Variants in SMIM8 observed in about 807,000 individuals in gnomAD.
SMIM8 encodes the protein UPF0708 protein C6orf162.
A neutral mutation model predicts 8.1 loss-of-function variants in SMIM8; 8 were observed. The observed-to-expected ratio is 0.99, with a 90% CI of 0.58 to 1.78. The LOEUF is 1.78. Ranked by LOEUF, SMIM8 falls within the 40% of genes most tolerant of loss-of-function variation. SMIM8 has a pLI of 0.00. For synonymous variants in SMIM8, 45 were observed against 39.7 expected, an observed-to-expected ratio of 1.13 and a Z score of -0.50; for missense variants, 126 against 119.8, an observed-to-expected ratio of 1.05 and a Z score of -0.24.
chr6:87,325,301 A>G lies in SMIM8; in HGVS notation c.-45+2669A>G, dbSNP rs1421527101. On this transcript the variant is annotated intron_variant, in intron 1 of 3. Coordinates refer to ENST00000392863, the MANE Select transcript of SMIM8 (RefSeq NM_001042493.3). ...TGCCCTGGCCAGAACTTCCAACACT[A>G]TGTTGAATAGGAGTGGTGAGAGAGG... Among the ~76,000 whole-genome samples, 9 of 145,158 alleles carry G rather than the reference A, an allele frequency of 6.2e-5. No individual in the cohort carries two copies. The South Asian group carries it at 1.5e-3, about 25-fold the overall frequency.
intron 3 of SMIM8, among the ~76,000 whole-genome samples, chr6:87,338,611 A>G (rs1777160112): frequency 1.3e-5 from 2 of 152,216 alleles, no homozygotes; most frequent in South Asian, 4.1e-4. Context: ...TACTTAGCTC[A>G]AGACATGACT....
chr6:87,326,900 T>C (rs9717422), intron 1 of SMIM8, among the ~76,000 whole-genome samples: 34,789 of 78,854 alleles, frequency 0.44, 8,288 homozygotes, highest in Middle Eastern at 0.5. Flanking sequence ...TTGTGGGAGT[T>C]TAAGTCTCTT....
At chr6:87,326,829 T>G (rs888760479) in intron 1 of SMIM8, among the ~76,000 whole-genome samples, 5 of 121,430 alleles carry the variant, frequency 4.1e-5, no homozygotes, top group Non-Finnish European at 6.9e-5. Flanking sequence ...CCTTGTTGAC[T>G]TTCTGTCTCG....
At chr6:87,339,651 A>G (rs1310135541) in intron 3 of SMIM8, among the ~76,000 whole-genome samples, 1 of 152,138 alleles carries the variant, frequency 6.6e-6, no homozygotes, top group African/African-American at 2.4e-5. Context: ...CCAGTTATTC[A>G]TGACTTGGGC....
chr6:87,325,061 GCT>G (rs1176543947), intron 1 of SMIM8, among the ~76,000 whole-genome samples: 1 of 151,860 alleles, frequency 6.6e-6, no homozygotes, highest in Non-Finnish European at 1.5e-5. Context: ...TCATGATTTG[GCT>G]CTCTGTTTGT....
chr6:87,335,845 C>CAAAAAAAA (rs35840147), intron 2 of SMIM8, among the ~76,000 whole-genome samples: 1 of 55,972 alleles, frequency 1.8e-5, no homozygotes, highest in Non-Finnish European at 3.2e-5. Context: ...CCGTCCCTAC[C>CAAAAAAAA]AAAAAAAAAA....
At chr6:87,324,676 T>C (rs1776771018) in intron 1 of SMIM8, among the ~76,000 whole-genome samples, 1 of 151,410 alleles carries the variant, frequency 6.6e-6, no homozygotes, top group South Asian at 2.1e-4. Context: ...ACTGTAGCCT[T>C]GTAGTATACT....
intron 2 of SMIM8, among the ~76,000 whole-genome samples, chr6:87,336,756 A>G (rs1220301582): frequency 6.6e-6 from 1 of 152,234 alleles, no homozygotes; most frequent in Admixed American, 6.5e-5. Flanking sequence ...CCAGTCTTCT[A>G]TAAAAGCAGG....
chr6:87,325,329 ATCCCTG>A (rs1776790570), intron 1 of SMIM8, among the ~76,000 whole-genome samples: 1 of 143,540 alleles, frequency 7.0e-6, no homozygotes, highest in East Asian at 2.0e-4. Flanking sequence ...GAGAGAGGGC[ATCCCTG>A]TCTTGTGCCA....
At chr6:87,325,177 G>C (rs1776786327) in intron 1 of SMIM8, among the ~76,000 whole-genome samples, 1 of 152,114 alleles carries the variant, frequency 6.6e-6, no homozygotes, top group South Asian at 2.1e-4. Context: ...CTGAGACAAT[G>C]GGGTTTTCTA....
intron 1 of SMIM8, among the ~76,000 whole-genome samples, chr6:87,328,487 T>G (rs6454602): frequency 0.88 from 132,953 of 150,682 alleles, 58,788 homozygotes; most frequent in South Asian, 0.93. Flanking sequence ...ACCGTAAGCT[T>G]CAGGTCTGTT....
intron 2 of SMIM8, among the ~76,000 whole-genome samples, chr6:87,336,621 C>T (rs1777118163): frequency 6.6e-6 from 1 of 151,984 alleles, no homozygotes; most frequent in Non-Finnish European, 1.5e-5. Flanking sequence ...TATGGAGGGG[C>T]TGTTGAAAGG....
Position 87,337,031 on chromosome 6 carries a change from G to T in SMIM8, c.-1G>T. 6.3e-7 allele frequency: 1 copy of T among 1,596,396 alleles called. No individual in the cohort carries two copies. The highest frequency in any genetic ancestry group is 1.2e-5 in the South Asian group (1 of 85,800). ...TAGATAATAAATCATCATTGATCAA[G>T]ATGTCTTCAGCACCTGAGCCTCCAA... On this transcript the variant is annotated 5_prime_UTR_variant, in exon 3 of 4. Coordinates refer to ENST00000392863, the MANE Select transcript of SMIM8 (RefSeq NM_001042493.3).
intron 2 of SMIM8, among the ~76,000 whole-genome samples, chr6:87,333,739 G>A (rs1361942475): frequency 6.6e-6 from 1 of 152,210 alleles, no homozygotes; most frequent in Non-Finnish European, 1.5e-5. Flanking sequence ...GTGAATGTGA[G>A]GTCCCTTTTA....
rs184524023 is a variant in SMIM8, at chr6:87,341,430, C to T, written c.*1156C>T. 3 of 396,182 alleles carry T rather than the reference C, an allele frequency of 7.6e-6. No individual in the cohort carries two copies. The highest frequency in any genetic ancestry group is 8.9e-6 in the Non-Finnish European group (2 of 224,880). 24.5% of individuals were successfully genotyped at this position (396,182 alleles called of 1,614,324 possible). A position where few individuals can be genotyped will look rare whatever the true frequency, so the allele number is the denominator to read the frequency against. On this transcript the variant is annotated 3_prime_UTR_variant, in exon 4 of 4. Transcript: ENST00000392863. ...TCAAGGCTAGGCCCCTGTGTCTGGC[C>T]AGATTCTGCCTTATAGAATTCAAAT... is the stretch of plus-strand genomic sequence containing the variant.
At chr6:87,339,440 G>GTT (rs1257529470) in intron 3 of SMIM8, among the ~76,000 whole-genome samples, 11 of 47,574 alleles carry the variant, frequency 2.3e-4, no homozygotes, top group African/African-American at 8.2e-4. Flanking sequence ...GTGTGTTTGT[G>GTT]TGTGTGTGTG....
intron 2 of SMIM8, among the ~76,000 whole-genome samples, chr6:87,333,356 G>C (rs1056924549): frequency 1.3e-5 from 2 of 152,184 alleles, no homozygotes; most frequent in Non-Finnish European, 2.9e-5. Flanking sequence ...TCCGACATTG[G>C]AGGTCAGATT....
At chr6:87,327,668 C>G (rs1416541127) in intron 1 of SMIM8, among the ~76,000 whole-genome samples, 1 of 150,814 alleles carries the variant, frequency 6.6e-6, no homozygotes, top group African/African-American at 2.4e-5. Flanking sequence ...CCCGACCTTT[C>G]TCTCTGGCTG....
chr6:87,329,039 C>G, intron 1 of SMIM8: 1 of 153,082 alleles, frequency 6.5e-6, no homozygotes, highest in Non-Finnish European at 1.5e-5. Flanking sequence ...TCACCCTTTT[C>G]TTTGACTAGG....
Sources: gnomAD v4.1 joint callset for allele counts (sites outside exome capture counted in the v4.1 genomes callset) on GRCh38, gnomAD v4.1.1 for gene constraint, MANE v1.5 for transcripts, NCBI Gene and HGNC (gene_info 2026-07-23, HGNC 2026-07-21) for gene names.